The following EFCAB8 variants were observed in gnomAD, a reference collection of about 807,000 sequenced individuals.
EFCAB8 encodes the protein EF-hand calcium-binding domain-containing protein 8.
In EFCAB8, 100 loss-of-function variants were observed where a neutral mutation model predicts 116.3. The observed-to-expected ratio is 0.86, with a 90% CI of 0.73 to 1.02. The LOEUF is 1.02. Among genes scored for constraint, EFCAB8 ranks in the 50% least tolerant of loss-of-function variants. The probability of loss-of-function intolerance (pLI) is 0.00; values close to 1 mark genes in which losing one functional copy is unlikely to be tolerated. For missense variants in EFCAB8, 1,320 were observed against 1,416.9 expected, an observed-to-expected ratio of 0.93 and a Z score of 1.10; for synonymous variants, 558 against 567.9, an observed-to-expected ratio of 0.98 and a Z score of 0.25.
chr20:32,873,651 T>C lies in EFCAB8; in HGVS notation c.209-2275T>C, dbSNP rs188502175. Among the ~76,000 whole-genome samples the C allele has an allele frequency of 7.9e-5, 12 of 151,776 alleles. No individual in the cohort carries two copies. In the East Asian group the frequency reaches 2.3e-3, roughly 30 times the overall value. On this transcript the variant is annotated intron_variant, in intron 3 of 26. Transcript: ENST00000400522. Reference sequence around the variant, plus strand: ...GCTGGAGAGGGCGGATCACTTGAGGTCAGGAGTTTGAGAGCAGCCTGGCCA... The same window carrying C: ...GCTGGAGAGGGCGGATCACTTGAGGCCAGGAGTTTGAGAGCAGCCTGGCCA...
intron 22 of EFCAB8, among the ~76,000 whole-genome samples, chr20:32,941,264 A>G (rs1988401061): frequency 6.7e-6 from 1 of 149,236 alleles, no homozygotes; most frequent in Non-Finnish European, 1.5e-5. Context: ...TGTTTAAAAA[A>G]AAAAAAAGAA....
intron 23 of EFCAB8, among the ~76,000 whole-genome samples, chr20:32,951,680 A>G (rs956156090): frequency 5.9e-5 from 9 of 152,202 alleles, no homozygotes; most frequent in African/African-American, 1.9e-4. Context: ...ACTGTTAAAA[A>G]TAGTCATCCT....
intron 2 of EFCAB8, 149 bp downstream of exon 2, chr20:32,863,983 T>G: frequency 3.1e-6 from 1 of 322,892 alleles, no homozygotes; most frequent in Admixed American, 5.9e-5. Flanking sequence ...CTTAAGTGTA[T>G]TTTTTTTTTT....
intron 7 of EFCAB8, among the ~76,000 whole-genome samples, chr20:32,891,787 CAG>C (rs1271117255): frequency 6.6e-6 from 1 of 150,552 alleles, no homozygotes; most frequent in Non-Finnish European, 1.5e-5. Context: ...TGTTGCTCAT[CAG>C]AGGCTGGAAG....
At chr20:32,891,827 GTTTTT>G (rs35814833) in intron 7 of EFCAB8, among the ~76,000 whole-genome samples, 1 of 145,600 alleles carries the variant, frequency 6.9e-6, no homozygotes, top group Non-Finnish European at 1.5e-5. Context: ...GAAGGAGTCA[GTTTTT>G]TTTTTTTTTT....
intron 13 of EFCAB8, chr20:32,907,212 T>C (rs1253544876): frequency 1.4e-6 from 1 of 715,390 alleles, no homozygotes; most frequent in African/African-American, 1.9e-5. Context: ...TTTGTGACCC[T>C]GGCAAGTCCT....
At chr20:32,881,692 G>A (rs1242023440) in intron 5 of EFCAB8, among the ~76,000 whole-genome samples, 1 of 152,170 alleles carries the variant, frequency 6.6e-6, no homozygotes, top group Non-Finnish European at 1.5e-5. Context: ...ATCATTGGTA[G>A]CAAAGCTACT....
chr20:32,878,494 A>G (rs1336384171), intron 4 of EFCAB8, among the ~76,000 whole-genome samples: 1 of 148,924 alleles, frequency 6.7e-6, no homozygotes, highest in East Asian at 2.0e-4. Context: ...GACCCTGGGA[A>G]TCAGGCTTGA....
At chr20:32,934,445 A>G (rs1186966358) in intron 22 of EFCAB8, among the ~76,000 whole-genome samples, 1 of 152,216 alleles carries the variant, frequency 6.6e-6, no homozygotes, top group Non-Finnish European at 1.5e-5. Context: ...ACATATTGAT[A>G]TGACATATTG....
chr20:32,887,553 C>T (rs895352523), intron 6 of EFCAB8, among the ~76,000 whole-genome samples: 6 of 152,208 alleles, frequency 3.9e-5, no homozygotes, highest in Admixed American at 6.5e-5. Flanking sequence ...CTAGCCTGGG[C>T]GACAGAGCGA....
chr20:32,893,358 A>G, intron 9 of EFCAB8, 60 bp downstream of exon 9: 1 of 1,545,304 alleles, frequency 6.5e-7, no homozygotes, highest in Non-Finnish European at 8.7e-7. Flanking sequence ...GTGGGTGCTG[A>G]GGTCATCCTG....
chr20:32,879,773 C>T (rs1349179294), intron 5 of EFCAB8, among the ~76,000 whole-genome samples: 4 of 152,182 alleles, frequency 2.6e-5, no homozygotes, highest in East Asian at 1.9e-4. Flanking sequence ...GTCTTATGAC[C>T]GGCTTCAGGG....
At chr20:32,950,219 A>T (rs1988757751) in intron 23 of EFCAB8, among the ~76,000 whole-genome samples, 1 of 152,260 alleles carries the variant, frequency 6.6e-6, no homozygotes, top group Non-Finnish European at 1.5e-5. Context: ...CTGCTCTTCA[A>T]AAGACACTGT....
chr20:32,912,767 A>G (rs1329702111), intron 16 of EFCAB8, 27 bp from the exon 17 acceptor site: 3 of 718,154 alleles, frequency 4.2e-6, no homozygotes, highest in African/African-American at 1.7e-5. Flanking sequence ...TAAGTTTTCT[A>G]GTTCTGTTTT....
intron 23 of EFCAB8, among the ~76,000 whole-genome samples, chr20:32,954,734 A>G (rs1040731731): frequency 6.6e-6 from 1 of 151,938 alleles, no homozygotes; most frequent in East Asian, 1.9e-4. Context: ...CAAGAGAGTT[A>G]AAAAAAATCA....
chr20:32,876,587 G>T (rs1430419882), intron 4 of EFCAB8, among the ~76,000 whole-genome samples: 1 of 152,188 alleles, frequency 6.6e-6, no homozygotes, highest in East Asian at 1.9e-4. Flanking sequence ...ATGATAACTA[G>T]CATTTACACC....
At position 32,950,650 on chromosome 20, in the gene EFCAB8, G is replaced by A. The variant is rs147503191; in HGVS notation, c.2959+6846G>A. On this transcript the variant is annotated intron_variant, in intron 23 of 26. Transcript: ENST00000400522. Reference sequence around the variant, plus strand: ...TGTTCCCATACATCTTTCTGCAGCTGCAGGCAAATCCCCCGGGTTGCTTTT... The same window carrying A: ...TGTTCCCATACATCTTTCTGCAGCTACAGGCAAATCCCCCGGGTTGCTTTT... Among the ~76,000 whole-genome samples, 42 of 152,268 alleles carry A rather than the reference G, an allele frequency of 2.8e-4. No individual in the cohort carries two copies. In the East Asian group the frequency reaches 7.7e-3, roughly 28 times the overall value.
intron 15 of EFCAB8, 47 bp downstream of exon 15, chr20:32,909,978 G>A: frequency 9.4e-7 from 1 of 1,059,888 alleles, no homozygotes; most frequent in African/African-American, 1.6e-5. Flanking sequence ...AACACCAGGT[G>A]ACACGGGGCA....
intron 20 of EFCAB8, among the ~76,000 whole-genome samples, chr20:32,930,127 A>G (rs1202408855): frequency 6.6e-6 from 1 of 152,176 alleles, no homozygotes; most frequent in Non-Finnish European, 1.5e-5. Flanking sequence ...ACATTTATTG[A>G]TCATGTATTA....
Sources: allele counts gnomAD v4.1 joint callset (sites outside exome capture counted in the v4.1 genomes callset), GRCh38; gene constraint gnomAD v4.1.1; transcripts MANE v1.5; gene names NCBI Gene and HGNC (gene_info 2026-07-23, HGNC 2026-07-21).